AGBL1: variants seen among roughly 807,000 people sequenced by gnomAD.
AGBL1 encodes the protein cytosolic carboxypeptidase 4.
Under a neutral mutation model 118.9 loss-of-function variants are expected in AGBL1, and 130 were observed. That is an observed-to-expected ratio of 1.09 (90% CI 0.95 to 1.26). The LOEUF is 1.26. Among genes scored for constraint, AGBL1 ranks in the 50% most tolerant of loss-of-function variants. The probability of loss-of-function intolerance (pLI) is 0.00; values close to 1 mark genes in which losing one functional copy is unlikely to be tolerated. For missense variants in AGBL1, 1,584 were observed against 1,298.1 expected (o/e 1.22, Z -3.38); for synonymous variants, 555 against 478.9 (o/e 1.16, Z -2.08).
At chr15:86,390,760 A>G (rs570855680) in intron 17 of AGBL1, among the ~76,000 whole-genome samples, 1 of 134,184 alleles carries the variant, frequency 7.5e-6, no homozygotes, top group Admixed American at 9.1e-5. Flanking sequence ...AACTCCGCCT[A>G]TTGAGTTCTA....
At chr15:86,637,900 T>C (rs1388812301) in intron 21 of AGBL1, among the ~76,000 whole-genome samples, 1 of 152,166 alleles carries the variant, frequency 6.6e-6, no homozygotes, top group African/African-American at 2.4e-5. Flanking sequence ...AAGAGGGAGA[T>C]GGTGTTTGGA....
intron 21 of AGBL1, among the ~76,000 whole-genome samples, chr15:86,583,320 A>T (rs570074606): frequency 6.6e-6 from 1 of 152,156 alleles, no homozygotes; most frequent in East Asian, 1.9e-4. Flanking sequence ...ACCTCATATT[A>T]AGTTTCTCAA....
intron 22 of AGBL1, among the ~76,000 whole-genome samples, chr15:86,898,213 T>G (rs1449672078): frequency 6.6e-6 from 1 of 152,224 alleles, no homozygotes; most frequent in African/African-American, 2.4e-5. Flanking sequence ...ATTCTTCAAC[T>G]CTGATCTGCT....
intron 23 of AGBL1, among the ~76,000 whole-genome samples, chr15:86,956,821 G>C (rs185146176): frequency 4.5e-4 from 69 of 152,240 alleles, no homozygotes; most frequent in Middle Eastern, 3.4e-3. Flanking sequence ...GAGCAATGTA[G>C]CAGCATTTCA....
intron 22 of AGBL1, among the ~76,000 whole-genome samples, chr15:86,808,108 T>C (rs1347923470): frequency 6.6e-6 from 1 of 152,202 alleles, no homozygotes; most frequent in Non-Finnish European, 1.5e-5. Flanking sequence ...ATTTCCCTCC[T>C]GTTTCTCCCT....
intron 22 of AGBL1, among the ~76,000 whole-genome samples, chr15:86,767,066 C>G (rs994206155): frequency 2.0e-5 from 3 of 151,926 alleles, no homozygotes; most frequent in African/African-American, 7.2e-5. Context: ...ATGAGGTATT[C>G]AGTTGTGTTT....
At chr15:86,312,048 G>T (rs908340589) in intron 17 of AGBL1, 1 of 152,218 alleles carries the variant, frequency 6.6e-6, no homozygotes, top group Non-Finnish European at 1.5e-5. Flanking sequence ...TCATGACCTA[G>T]TGGGAGTCTT....
intron 7 of AGBL1, among the ~76,000 whole-genome samples, chr15:86,250,475 G>C (rs998024691): frequency 7.7e-6 from 1 of 129,844 alleles, no homozygotes; most frequent in Non-Finnish European, 1.6e-5. Flanking sequence ...GCGATGAGTT[G>C]AGATCACACC....
intron 18 of AGBL1, among the ~76,000 whole-genome samples, chr15:86,444,642 T>C (rs566438337): frequency 6.6e-6 from 1 of 152,252 alleles, no homozygotes; most frequent in African/African-American, 2.4e-5. Flanking sequence ...AGCAGAGCTA[T>C]GAATAACAGC....
chr15:86,925,167 G>T, intron 23 of AGBL1, among the ~76,000 whole-genome samples: 1 of 122,966 alleles, frequency 8.1e-6, no homozygotes, highest in East Asian at 2.1e-4. Context: ...AGGAGGAGGA[G>T]GAAGAGGAAG....
chr15:86,513,304 C>T (rs2083074818), intron 18 of AGBL1, among the ~76,000 whole-genome samples: 1 of 151,726 alleles, frequency 6.6e-6, no homozygotes, highest in South Asian at 2.1e-4. Context: ...TAGAATATCC[C>T]TTGAATTGGG....
intron 21 of AGBL1, among the ~76,000 whole-genome samples, chr15:86,612,049 G>T (rs2142392077): frequency 6.6e-6 from 1 of 152,254 alleles, no homozygotes; most frequent in Admixed American, 6.5e-5. Context: ...ACCCAAATCA[G>T]ACTCTAGCTT....
At chr15:86,143,587 T>C in intron 2 of AGBL1, 112 bp from the exon 3 acceptor site, 15 of 1,315,528 alleles carry the variant, frequency 1.1e-5, no homozygotes, top group Middle Eastern at 1.9e-4. Context: ...TAATTTTACG[T>C]AGTTGAAATG....
intron 21 of AGBL1, among the ~76,000 whole-genome samples, chr15:86,652,254 G>A (rs916096885): frequency 6.6e-6 from 1 of 152,062 alleles, no homozygotes; most frequent in African/African-American, 2.4e-5. Context: ...GCATCATAGG[G>A]AGCTTCGCAG....
chr15:86,785,394 A>G (rs1302545526), intron 22 of AGBL1, among the ~76,000 whole-genome samples: 4 of 91,648 alleles, frequency 4.4e-5, no homozygotes, highest in South Asian at 3.8e-4. Context: ...TGTTTTTTTG[A>G]GATGGAGTGT....
At chr15:86,584,062 T>G (rs944650457) in intron 21 of AGBL1, among the ~76,000 whole-genome samples, 3 of 152,112 alleles carry the variant, frequency 2.0e-5, no homozygotes, top group African/African-American at 7.2e-5. Context: ...TAGATTAAGT[T>G]CCTTGTAAAT....
chr15:86,291,883 C>T (rs940965212), intron 16 of AGBL1, among the ~76,000 whole-genome samples: 3 of 152,166 alleles, frequency 2.0e-5, no homozygotes, highest in African/African-American at 7.2e-5. Flanking sequence ...ACAATCATAA[C>T]AATTACATAC....
chr15:87,026,249 T>C (rs2141812522), intron 24 of AGBL1, among the ~76,000 whole-genome samples: 1 of 152,132 alleles, frequency 6.6e-6, no homozygotes, highest in East Asian at 1.9e-4. Flanking sequence ...TCTCACAATC[T>C]ATACATCTAA....
rs186691898 is a variant in AGBL1, at chr15:86,689,458, A to C, written c.3158+15022A>C. Among the ~76,000 whole-genome samples, 8 of 152,280 alleles carry C rather than the reference A, an allele frequency of 5.3e-5. No individual in the cohort carries two copies. The East Asian group carries it at 1.5e-3, about 29-fold the overall frequency. Reference sequence around the variant, plus strand: ...TAGCACCTAGAATAATGCCTGATGCATAGGAAGTAATCAATAAATATAATA... The same window carrying C: ...TAGCACCTAGAATAATGCCTGATGCCTAGGAAGTAATCAATAAATATAATA... On this transcript the variant is annotated intron_variant, in intron 22 of 22. Coordinates refer to ENST00000614907, the MANE Select transcript of AGBL1 (RefSeq NM_001386094.1).
Sources: allele counts gnomAD v4.1 joint callset (sites outside exome capture counted in the v4.1 genomes callset), GRCh38; gene constraint gnomAD v4.1.1; transcripts MANE v1.5; gene names NCBI Gene and HGNC (gene_info 2026-07-23, HGNC 2026-07-21).